CLTC: variants seen among roughly 807,000 people sequenced by gnomAD.
CLTC encodes the protein clathrin heavy chain 1.
CLTC carries 16 observed loss-of-function variants against 195.8 expected under a neutral mutation model. That is an observed-to-expected ratio of 0.08 (90% confidence interval 0.06 to 0.12). CLTC has a LOEUF of 0.12. Ranked by LOEUF, CLTC falls within the 10% of genes least tolerant of loss-of-function variation. CLTC has a pLI of 1.00. For synonymous variants in CLTC, 667 were observed against 689.4 expected (o/e 0.97, Z 0.51); for missense variants, 796 against 2,027.0 (o/e 0.39, Z 11.66).
At chr17:59,686,712 G>A (rs1249006286) in intron 30 of CLTC, among the ~76,000 whole-genome samples, 2 of 152,156 alleles carry the variant, frequency 1.3e-5, no homozygotes, top group East Asian at 3.8e-4. Flanking sequence ...TAAACATAAT[G>A]CCAACTTGTG....
At chr17:59,692,430 G>T (rs2033326161) in intron 31 of CLTC, among the ~76,000 whole-genome samples, 1 of 152,212 alleles carries the variant, frequency 6.6e-6, no homozygotes. Flanking sequence ...CTTGATCTAG[G>T]TTTACACTGT....
At chr17:59,647,048 TGTAAA>T (rs1461858467) in intron 2 of CLTC, among the ~76,000 whole-genome samples, 3 of 152,350 alleles carry the variant, frequency 2.0e-5, no homozygotes, top group Non-Finnish European at 2.9e-5. Flanking sequence ...TAAGTTTATG[TGTAAA>T]GTAAACATAC....
chr17:59,625,266 G>A (rs1598198279), intron 1 of CLTC, among the ~76,000 whole-genome samples: 2 of 151,662 alleles, frequency 1.3e-5, no homozygotes, highest in African/African-American at 4.8e-5. Flanking sequence ...GTGCTACCAC[G>A]CCCAGCTATT....
At position 59,681,609 on chromosome 17, in the gene CLTC, AT is replaced by A; in HGVS notation, c.3250-34del. The A allele has an allele frequency of 6.3e-7, 1 of 1,588,808 alleles. No homozygotes were observed. The highest frequency in any genetic ancestry group is 8.6e-7 in the Non-Finnish European group (1 of 1,163,786). On this transcript the variant is annotated intron_variant, in intron 20 of 31. Transcript: ENST00000269122. The surrounding 1 kb of genome is among the most constrained non-coding windows in gnomAD (Gnocchi z 5.0). ...AATGTAATTGCTTTGGGTAGGATTG[AT>A]TTTACTCTAACCCTAATTTCAAACT...
In CLTC at chr17:59,666,653, G is replaced by T; in HGVS notation, c.1947+9G>T. 1 of 1,606,012 alleles carries T rather than the reference G, an allele frequency of 6.2e-7. No individual in the cohort carries two copies. Among genetic ancestry groups the T allele is most frequent in the Non-Finnish European group, 8.5e-7 (1 of 1,174,452 alleles). On this transcript the variant is annotated intron_variant, in intron 12 of 31. Transcript: ENST00000269122. This position sits in a 1 kb window ranked among gnomAD's most constrained non-coding sequence, Gnocchi z 4.9. ...ATCTTCTTAACCCTGAGGTATTTCA[G>T]TTTCTTACCTAATAGATGGTGTTAG...
At chr17:59,663,748 C>A in intron 8 of CLTC, 94 bp from the exon 9 acceptor site, 2 of 1,017,254 alleles carry the variant, frequency 2.0e-6, no homozygotes, top group Non-Finnish European at 2.9e-6. Context: ...AAGTACCTTT[C>A]ATACTAGTTA....
intron 31 of CLTC, among the ~76,000 whole-genome samples, chr17:59,691,849 C>T (rs1247595333): frequency 4.6e-5 from 7 of 151,472 alleles, no homozygotes; most frequent in African/African-American, 7.3e-5. Context: ...ACATCAAGTC[C>T]TTAAAGGTGA....
intron 2 of CLTC, 65 bp from the exon 3 acceptor site, chr17:59,647,333 C>G (rs566648516): frequency 7.8e-7 from 1 of 1,277,850 alleles, no homozygotes; most frequent in Non-Finnish European, 1.1e-6. Flanking sequence ...CAGAGCTAGT[C>G]TAGGTAGGTA....
rs1236458972 is a variant in CLTC at position 59,620,153 on chromosome 17, C to G, written c.22C>G (p.Arg8Gly). 1 of 1,614,052 alleles carries G rather than the reference C, an allele frequency of 6.2e-7. No individual in the cohort carries two copies. The highest frequency in any genetic ancestry group is 8.5e-7 in the Non-Finnish European group (1 of 1,180,004). MAQILPI[R>G]FQEHLQLQNL... ...CGCCATGGCCCAGATTCTGCCAATTCGTTTTCAGGAGCATCTCCAGGTGCG... is the reference window on the plus strand; with the variant it reads ...CGCCATGGCCCAGATTCTGCCAATTGGTTTTCAGGAGCATCTCCAGGTGCG... Residue 8 changes from arginine (R) to glycine (G), a missense_variant, in exon 1 of 32, where the codon CGT becomes GGT. Coordinates refer to ENST00000269122, the MANE Select transcript of CLTC (RefSeq NM_004859.4).
chr17:59,674,077 T>C (rs2032911900), intron 15 of CLTC, among the ~76,000 whole-genome samples: 1 of 152,116 alleles, frequency 6.6e-6, no homozygotes, highest in South Asian at 2.1e-4. Context: ...TTTAATACTT[T>C]TTCCCCAGCA....
rs879116628 is a variant in CLTC, at chr17:59,668,672, T to G, written c.2129-105T>G. On this transcript the variant is annotated intron_variant, in intron 13 of 31. Coordinates refer to ENST00000269122, the MANE Select transcript of CLTC (RefSeq NM_004859.4). Reference sequence around the variant, plus strand: ...TATCGCGCTTTTTAAGCAACCAACTTATATTTGGGAGTATTCAATATAACA... The same window carrying G: ...TATCGCGCTTTTTAAGCAACCAACTGATATTTGGGAGTATTCAATATAACA... 4.2e-6 allele frequency: 4 copies of G among 944,536 alleles called. No homozygotes were observed. In the South Asian group the frequency reaches 8.1e-5, roughly 19 times the overall value. 58.5% of individuals were successfully genotyped at this position (944,536 alleles called of 1,614,324 possible).
intron 10 of CLTC, among the ~76,000 whole-genome samples, chr17:59,665,523 G>A (rs539492045): frequency 6.6e-6 from 1 of 152,166 alleles, no homozygotes; most frequent in South Asian, 2.1e-4. Context: ...TATGCTATTG[G>A]TTTTCTAAAG....
Position 59,683,957 on chromosome 17 carries a change from A to C in CLTC, c.4406A>C (p.Asn1469Thr). ...NNKSVNESLN[N>T]LFITEEDYQA... ...AAATCTGTGAATGAATCATTGAACA[A>C]TCTTTTTATTACAGAAGAAGATTAT... The change falls in exon 28 of 32, where the codon AAT becomes ACT. Residue 1469 changes from asparagine to threonine, a missense_variant. Asn to Thr is a moderately conservative substitution (Grantham distance 65). This residue lies in a region of CLTC where 148 missense variants were observed against 279.5 expected (regional missense o/e 0.53). Transcript: ENST00000269122. The surrounding 1 kb of genome is among the most constrained non-coding windows in gnomAD (Gnocchi z 6.1). The C allele has an allele frequency of 6.2e-7, 1 of 1,607,248 alleles. No individual in the cohort carries two copies. Among genetic ancestry groups the C allele is most frequent in the Non-Finnish European group, 8.5e-7 (1 of 1,173,826 alleles).
intron 1 of CLTC, among the ~76,000 whole-genome samples, chr17:59,643,052 G>A (rs973682883): frequency 6.6e-6 from 1 of 151,988 alleles, no homozygotes; most frequent in Non-Finnish European, 1.5e-5. Context: ...GGTGGTGTTT[G>A]TGGAGGAAAA....
At chr17:59,620,513 T>G (rs1417324129) in intron 1 of CLTC, among the ~76,000 whole-genome samples, 1 of 151,856 alleles carries the variant, frequency 6.6e-6, no homozygotes, top group Non-Finnish European at 1.5e-5. Flanking sequence ...GGGAGGGGGA[T>G]TCTCCCTTGT....
At chr17:59,651,164 T>C in intron 4 of CLTC, 39 bp from the exon 5 acceptor site, 1 of 1,265,564 alleles carries the variant, frequency 7.9e-7, no homozygotes, top group Non-Finnish European at 1.1e-6. Context: ...CAACTGCTAA[T>C]GTATAGGTTT....
intron 5 of CLTC, among the ~76,000 whole-genome samples, chr17:59,652,390 C>G (rs2032348635): frequency 6.6e-6 from 1 of 152,114 alleles, no homozygotes; most frequent in Non-Finnish European, 1.5e-5. Context: ...TTTACTTTGC[C>G]CAGATCCATC....
intron 1 of CLTC, among the ~76,000 whole-genome samples, chr17:59,628,090 C>T (rs1047351359): frequency 6.6e-6 from 1 of 152,170 alleles, no homozygotes; most frequent in African/African-American, 2.4e-5. Flanking sequence ...GTTAATACTT[C>T]TTGTTCCTAA....
chr17:59,652,786 GC>G (rs1301670364), intron 5 of CLTC, among the ~76,000 whole-genome samples: 1 of 152,170 alleles, frequency 6.6e-6, no homozygotes, highest in African/African-American at 2.4e-5. Flanking sequence ...TAGCAGATGA[GC>G]ATTGGCTTCA....
Sources: allele counts gnomAD v4.1 joint callset (sites outside exome capture counted in the v4.1 genomes callset), GRCh38; gene constraint gnomAD v4.1.1; regional missense constraint gnomAD v4.1.1; non-coding constraint Gnocchi (gnomAD v3.1); transcripts MANE v1.5; gene names NCBI Gene and HGNC (gene_info 2026-07-23, HGNC 2026-07-21).